The following MAN1A2 variants were observed in gnomAD, a reference collection of about 807,000 sequenced individuals.
The protein encoded by MAN1A2 is mannosyl-oligosaccharide 1,2-alpha-mannosidase IB.
In MAN1A2, 26 loss-of-function variants were observed where a neutral mutation model predicts 75.7. The ratio of observed to expected loss-of-function variants is 0.34; its 90% CI spans 0.25 to 0.48. The LOEUF is 0.48. Among genes scored for constraint, MAN1A2 ranks in the 20% least tolerant of loss-of-function variants. The pLI, the probability that MAN1A2 is intolerant of heterozygous loss-of-function variation, is 0.99. For missense variants in MAN1A2, 562 were observed against 775.5 expected (o/e 0.72, Z 3.27); for synonymous variants, 247 against 264.6 (o/e 0.93, Z 0.65).
intron 8 of MAN1A2, among the ~76,000 whole-genome samples, chr1:117,467,619 T>G (rs897931678): frequency 6.6e-6 from 1 of 152,128 alleles, no homozygotes; most frequent in Non-Finnish European, 1.5e-5. Flanking sequence ...ATGCCTAGAC[T>G]GAGTGGGAAT....
intron 6 of MAN1A2, among the ~76,000 whole-genome samples, chr1:117,455,454 G>C (rs1649548916): frequency 1.3e-5 from 2 of 152,060 alleles, no homozygotes; most frequent in African/African-American, 4.8e-5. Flanking sequence ...CCATTGAATG[G>C]TGTACCTGAA....
At chr1:117,466,982 A>G (rs1298518979) in intron 8 of MAN1A2, among the ~76,000 whole-genome samples, 1 of 152,176 alleles carries the variant, frequency 6.6e-6, no homozygotes, top group Non-Finnish European at 1.5e-5. Context: ...GTTACTGTAC[A>G]GGAAGGAACC....
chr1:117,483,980 T>C (rs1475137636), intron 8 of MAN1A2, among the ~76,000 whole-genome samples: 1 of 151,912 alleles, frequency 6.6e-6, no homozygotes, highest in South Asian at 2.1e-4. Context: ...TTTAAGAGCA[T>C]CTTGACAAAT....
chr1:117,489,107 G>A (rs1467420382), intron 8 of MAN1A2, among the ~76,000 whole-genome samples: 4 of 151,998 alleles, frequency 2.6e-5, no homozygotes, highest in Non-Finnish European at 5.9e-5. Context: ...TTTAATGATT[G>A]TGCAGTCCTC....
intron 1 of MAN1A2, among the ~76,000 whole-genome samples, chr1:117,384,391 C>T (rs1241126274): frequency 6.6e-6 from 1 of 152,046 alleles, no homozygotes; most frequent in Non-Finnish European, 1.5e-5. Context: ...TGTTTAATAT[C>T]CACATATTTA....
chr1:117,462,270 C>T (rs1649845840), intron 7 of MAN1A2, among the ~76,000 whole-genome samples: 2 of 151,960 alleles, frequency 1.3e-5, no homozygotes, highest in African/African-American at 4.8e-5. Context: ...ACATTGTATA[C>T]GTAGAAGCAT....
chr1:117,527,487 A>C lies in MAN1A2; in HGVS notation c.*4530A>C, dbSNP rs1045033191. 6.6e-6 allele frequency: 1 copy of C among 151,990 alleles called. No homozygotes were observed. Among genetic ancestry groups the C allele is most frequent in the African/African-American group, 2.4e-5 (1 of 41,424 alleles). The allele number at this position is 151,990 out of a possible 1,614,324, so 9.4% of individuals were successfully genotyped here. On this transcript the variant is annotated 3_prime_UTR_variant, in exon 13 of 13. Coordinates refer to ENST00000356554, the MANE Select transcript of MAN1A2 (RefSeq NM_006699.5). ...GATGTGCGTATATATGGTTGTGTGTATCTGTATAACCTAAAGCTATAATAT... is the reference window on the plus strand; with the variant it reads ...GATGTGCGTATATATGGTTGTGTGTCTCTGTATAACCTAAAGCTATAATAT...
rs1055213124 is a variant in MAN1A2 at position 117,524,324 on chromosome 1, A to G, written c.*1367A>G. ...TTTTGACAAAAAGAACTTAAATTTT[A>G]TCAGGAACTGTAAGATAAATATCTA... On this transcript the variant is annotated 3_prime_UTR_variant, in exon 13 of 13. Transcript: ENST00000356554. 1 of 152,180 alleles carries G rather than the reference A, an allele frequency of 6.6e-6. No individual in the cohort carries two copies. Among genetic ancestry groups the G allele is most frequent in the Non-Finnish European group, 1.5e-5 (1 of 67,834 alleles). 9.4% of individuals were successfully genotyped at this position (152,180 alleles called of 1,614,324 possible).
chr1:117,475,836 C>T (rs1356178418), intron 8 of MAN1A2, among the ~76,000 whole-genome samples: 3 of 151,988 alleles, frequency 2.0e-5, no homozygotes, highest in Admixed American at 6.6e-5. Context: ...TGAGTGCATG[C>T]ATCTTTATAG....
chr1:117,397,147 C>T (rs1653928319), intron 1 of MAN1A2, among the ~76,000 whole-genome samples: 1 of 151,950 alleles, frequency 6.6e-6, no homozygotes, highest in Non-Finnish European at 1.5e-5. Context: ...CTTTTCTTGC[C>T]CTCTAGTTGA....
intron 8 of MAN1A2, among the ~76,000 whole-genome samples, chr1:117,483,361 C>T (rs529034664): frequency 1.4e-3 from 207 of 152,172 alleles, no homozygotes; most frequent in African/African-American, 4.9e-3. Context: ...GTGGTTCTTC[C>T]TATCAATGAG....
At chr1:117,504,320 T>G (rs1187493356) in intron 12 of MAN1A2, among the ~76,000 whole-genome samples, 3 of 151,390 alleles carry the variant, frequency 2.0e-5, no homozygotes, top group East Asian at 2.0e-4. Context: ...TCCTGTTTTT[T>G]TTTTTTTTTT....
intron 3 of MAN1A2, among the ~76,000 whole-genome samples, chr1:117,408,225 A>G (rs884748): frequency 0.78 from 117,855 of 151,088 alleles, 46,349 homozygotes; most frequent in African/African-American, 0.87. Flanking sequence ...GCTATGGGGC[A>G]CCATGATCAT....
At chr1:117,423,802 G>A (rs369173313) in intron 5 of MAN1A2, among the ~76,000 whole-genome samples, 1 of 151,896 alleles carries the variant, frequency 6.6e-6, no homozygotes, top group Non-Finnish European at 1.5e-5. Flanking sequence ...ACCATTTTAA[G>A]TGTGCAGTTC....
chr1:117,388,564 C>A (rs1263187064), intron 1 of MAN1A2, among the ~76,000 whole-genome samples: 1 of 151,992 alleles, frequency 6.6e-6, no homozygotes, highest in Non-Finnish European at 1.5e-5. Flanking sequence ...ACAGTAGGAG[C>A]AAGAGCGAGA....
intron 4 of MAN1A2, among the ~76,000 whole-genome samples, chr1:117,417,538 TATATATATATATATATATATGTG>T (rs1648036969): frequency 7.3e-6 from 1 of 137,422 alleles, no homozygotes; most frequent in African/African-American, 2.8e-5. Context: ...AGTTTAAATA[TATATATATATATATATATATGTG>T]ATATATATGT....
At chr1:117,503,255 A>G (rs1019424007) in intron 12 of MAN1A2, among the ~76,000 whole-genome samples, 1 of 151,512 alleles carries the variant, frequency 6.6e-6, no homozygotes, top group Non-Finnish European at 1.5e-5. Context: ...ACAGGTAACT[A>G]GGTCCACACT....
intron 1 of MAN1A2, among the ~76,000 whole-genome samples, chr1:117,383,784 G>A (rs1166642155): frequency 6.6e-6 from 1 of 151,192 alleles, no homozygotes; most frequent in Non-Finnish European, 1.5e-5. Flanking sequence ...GGTCTGTGTT[G>A]CCCAGGCTGG....
chr1:117,433,266 T>G (rs1557948753), intron 5 of MAN1A2, among the ~76,000 whole-genome samples: 1 of 152,002 alleles, frequency 6.6e-6, no homozygotes, highest in East Asian at 1.9e-4. Context: ...GATTTCAGAT[T>G]AGAGATACTA....
Sources: allele counts gnomAD v4.1 joint callset (sites outside exome capture counted in the v4.1 genomes callset), GRCh38; gene constraint gnomAD v4.1.1; transcripts MANE v1.5; gene names NCBI Gene and HGNC (gene_info 2026-07-23, HGNC 2026-07-21).